NLGN3: variants seen among roughly 807,000 people sequenced by gnomAD.
The protein encoded by NLGN3 is neuroligin 3.
In NLGN3, 11 loss-of-function variants were observed where a neutral mutation model predicts 42.9. That is an observed-to-expected ratio of 0.26 (90% CI 0.16 to 0.42). NLGN3 has a LOEUF of 0.42. NLGN3 is among the 10% of genes least tolerant of loss of function. The pLI is 1.00. For missense variants in NLGN3, 374 were observed against 733.8 expected (o/e 0.51, Z 5.67); for synonymous variants, 279 against 312.7 (o/e 0.89, Z 1.14).
chrX:71,156,342 T>C lies in NLGN3; in HGVS notation c.727+979T>C, dbSNP rs192563104. On this transcript the variant is annotated intron_variant, in intron 5 of 7. Transcript: ENST00000358741. ...ATCTCCTCAGAAACACAAACAAATA[T>C]TCCCCTTCCCTACACACATATACTC... Among the ~76,000 whole-genome samples, 4 of 105,274 alleles carry C rather than the reference T, an allele frequency of 3.8e-5. No individual in the cohort carries two copies. The East Asian group carries it at 1.2e-3, about 32-fold the overall frequency. The allele number at this position is 105,274 out of a possible 115,157, so 91.4% of individuals were successfully genotyped here.
chrX:71,150,214 A>T (rs1310534170), intron 3 of NLGN3, among the ~76,000 whole-genome samples: 1 of 111,674 alleles, frequency 9.0e-6, no homozygotes, highest in Admixed American at 9.5e-5. Flanking sequence ...CAGAAGCATC[A>T]TGGTGCTGCA....
At chrX:71,159,681 G>C in intron 5 of NLGN3, among the ~76,000 whole-genome samples, 1 of 109,531 alleles carries the variant, frequency 9.1e-6, no homozygotes, top group South Asian at 3.8e-4. Flanking sequence ...CTTGACACCA[G>C]ATGTAGAACA....
At chrX:71,169,154 T>C in intron 7 of NLGN3, 100 bp from the exon 8 acceptor site, 1 of 998,791 alleles carries the variant, frequency 1.0e-6, no homozygotes, top group Non-Finnish European at 1.4e-6. Flanking sequence ...TGGTGGGAAG[T>C]TCTAAACTGG....
intron 5 of NLGN3, among the ~76,000 whole-genome samples, chrX:71,157,861 T>C: frequency 9.1e-6 from 1 of 109,399 alleles, no homozygotes; most frequent in Non-Finnish European, 1.9e-5. Context: ...ATATGGAGCA[T>C]GCAGGCCATT....
chrX:71,148,113 T>C lies in NLGN3; in HGVS notation c.364T>C (p.Trp122Arg). Residue 122 changes from tryptophan to arginine, a missense_variant, in exon 2 of 8, where the codon TGG becomes CGG. Trp to Arg is a moderately radical substitution (Grantham distance 101, BLOSUM62 -3). Transcript: ENST00000358741. ...TAVPEVMLPV[W>R]FTANLDIVAT... is the part of the protein sequence containing the mutation. ...TGTGCCCGAAGTCATGCTGCCGGTC[T>C]GGTTCACTGCCAACTTGGATATCGT... 8.3e-7 allele frequency: 1 copy of C among 1,210,992 alleles called. No homozygotes were observed. Among genetic ancestry groups the C allele is most frequent in the Non-Finnish European group, 1.1e-6 (1 of 895,089 alleles).
chrX:71,148,761 C>A (rs944657805), intron 2 of NLGN3, 85 bp from the exon 3 acceptor site: 1 of 845,085 alleles, frequency 1.2e-6, no homozygotes. Context: ...CAGAGCAGCT[C>A]AGCTCTTGGG....
intron 5 of NLGN3, among the ~76,000 whole-genome samples, chrX:71,158,035 A>C: frequency 9.2e-6 from 1 of 109,057 alleles, no homozygotes; most frequent in Middle Eastern, 4.7e-3. Context: ...CTGGAAACCC[A>C]CACACTAGGG....
At chrX:71,161,801 A>G (rs1346850550) in intron 5 of NLGN3, among the ~76,000 whole-genome samples, 1 of 112,073 alleles carries the variant, frequency 8.9e-6, no homozygotes, top group African/African-American at 3.2e-5. Context: ...TAATAAATAA[A>G]TCCTCCATCC....
In NLGN3 at chrX:71,167,427, C is replaced by G; in HGVS notation, c.1330C>G (p.Pro444Ala). Residue 444 changes from proline (P) to alanine (A), a missense_variant, in exon 7 of 8, where the codon CCT (proline) becomes GCT (alanine). By Grantham distance (27) the Pro-to-Ala change is conservative. Around this residue, in one of 6 missense-constraint regions of NLGN3, gnomAD observed 142 missense variants for 359.1 expected, o/e 0.40. Transcript: ENST00000358741. Reference sequence around the variant, plus strand: ...TTTTGTGGACAATCTGTATGGCTATCCTGAGGGTAAGGACACCCTGCGAGA... The same window carrying G: ...TTTTGTGGACAATCTGTATGGCTATGCTGAGGGTAAGGACACCCTGCGAGA... The part of the protein sequence containing the change: ...SNFVDNLYGY[P>A]EGKDTLRETI... 8.3e-7 allele frequency: 1 copy of G among 1,211,209 alleles called. No homozygotes were observed. The highest frequency in any genetic ancestry group is 1.1e-6 in the Non-Finnish European group (1 of 895,294).
intron 5 of NLGN3, among the ~76,000 whole-genome samples, chrX:71,159,020 GCA>G (rs755737039): frequency 9.0e-6 from 1 of 110,800 alleles, no homozygotes; most frequent in Non-Finnish European, 1.9e-5. Flanking sequence ...ATGCATGTGC[GCA>G]CACACACACT....
intron 4 of NLGN3, among the ~76,000 whole-genome samples, chrX:71,154,286 C>A (rs761747249): frequency 7.6e-4 from 86 of 113,514 alleles, no homozygotes; most frequent in Admixed American, 1.2e-3. Context: ...TGCCCCTCTG[C>A]CCCGAAGGGG....
At chrX:71,157,606 G>T (rs2092414507) in intron 5 of NLGN3, among the ~76,000 whole-genome samples, 1 of 111,313 alleles carries the variant, frequency 9.0e-6, no homozygotes, top group African/African-American at 3.3e-5. Context: ...TTACAGGCAT[G>T]AGCCACCACG....
chrX:71,169,528 C>T lies in NLGN3; in HGVS notation c.1978C>T (p.Arg660Cys), dbSNP rs149036210. 4 of 1,212,015 alleles carry T rather than the reference C, an allele frequency of 3.3e-6. No homozygotes were observed. The highest frequency in any genetic ancestry group is 1.7e-5 in the African/African-American group (1 of 57,899). The change falls in exon 8 of 8, where the codon CGC (arginine) becomes TGC (cysteine). Residue 660 changes from arginine (R) to cysteine (C), a missense_variant. Transcript: ENST00000358741. Reference protein sequence around the residue: ...PDTTHSSHITRRPNGKTWSTK... With the variant: ...PDTTHSSHITCRPNGKTWSTK... ...TACCACCCACAGCTCCCACATCACC[C>T]GCAGGCCCAATGGCAAGACCTGGAG...
intron 5 of NLGN3, among the ~76,000 whole-genome samples, chrX:71,159,890 A>AT (rs748275369): frequency 0.041 from 2,077 of 50,396 alleles, 157 homozygotes; most frequent in African/African-American, 0.15. Context: ...ACGCCCAGCT[A>AT]TTTTTTTTTT....
At chrX:71,148,950 G>A in intron 3 of NLGN3, 45 bp downstream of exon 3, 1 of 759,616 alleles carries the variant, frequency 1.3e-6, no homozygotes, top group African/African-American at 2.2e-5. Flanking sequence ...GAGAGGGAGG[G>A]CTGCCTGCCC....
chrX:71,145,363 C>T (rs1198257739), intron 1 of NLGN3, among the ~76,000 whole-genome samples: 1 of 95,412 alleles, frequency 1.0e-5, no homozygotes, highest in Non-Finnish European at 2.1e-5. Flanking sequence ...GCAGCCCCCC[C>T]ACCCAATGGA....
chrX:71,147,724 C>T lies in NLGN3; in HGVS notation c.-26C>T. 3 of 1,179,820 alleles carry T rather than the reference C, an allele frequency of 2.5e-6. No individual in the cohort carries two copies. Among genetic ancestry groups the T allele is most frequent in the South Asian group, 1.8e-5 (1 of 54,715 alleles). On this transcript the variant is annotated 5_prime_UTR_variant, in exon 2 of 8. Coordinates refer to ENST00000358741, the MANE Select transcript of NLGN3 (RefSeq NM_181303.2). Reference sequence around the variant, plus strand: ...GATGCTGTGACCCTGGAGTCTGCCTCTCCTGCCAGTCCCCCTGCCCGGAAC... The same window carrying T: ...GATGCTGTGACCCTGGAGTCTGCCTTTCCTGCCAGTCCCCCTGCCCGGAAC...
In NLGN3 at chrX:71,167,487, C is replaced by T; in HGVS notation, c.1390C>T (p.Arg464Cys). Reference protein sequence around the residue: ...IKFMYTDWADRDNPETRRKTL... With the variant: ...IKFMYTDWADCDNPETRRKTL... The stretch of plus-strand genomic sequence containing the variant: ...GTTCATGTATACAGACTGGGCAGAC[C>T]GTGACAACCCTGAGACCCGCCGTAA... Residue 464 changes from arginine (R) to cysteine (C), a missense_variant, in exon 7 of 8, where the codon CGT becomes TGT. Transcript: ENST00000358741. 2 of 1,210,808 alleles carry T rather than the reference C, an allele frequency of 1.7e-6. No individual in the cohort carries two copies. The highest frequency in any genetic ancestry group is 1.7e-5 in the African/African-American group (1 of 57,559).
At chrX:71,161,653 A>G (rs1005921323) in intron 5 of NLGN3, among the ~76,000 whole-genome samples, 1 of 111,173 alleles carries the variant, frequency 9.0e-6, no homozygotes. Flanking sequence ...AGGCACCTGT[A>G]ATCCCAGCTA....
Sources: allele counts gnomAD v4.1 joint callset (sites outside exome capture counted in the v4.1 genomes callset), GRCh38; gene constraint gnomAD v4.1.1; regional missense constraint gnomAD v4.1.1; transcripts MANE v1.5; gene names NCBI Gene and HGNC (gene_info 2026-07-23, HGNC 2026-07-21).